ASIC2: variants seen among roughly 807,000 people sequenced by gnomAD.
ASIC2 encodes the protein acid-sensing ion channel 2.
In ASIC2, 25 loss-of-function variants were observed where a neutral mutation model predicts 57.3. The ratio of observed to expected loss-of-function variants is 0.44; its 90% CI spans 0.32 to 0.61. The LOEUF (loss-of-function observed/expected upper bound fraction) is 0.61, where lower values mean the gene tolerates loss of function less well. Among genes scored for constraint, ASIC2 ranks in the 20% least tolerant of loss-of-function variants. The pLI, the probability that ASIC2 is intolerant of heterozygous loss-of-function variation, is 0.06. For missense variants in ASIC2, 641 were observed against 738.1 expected (o/e 0.87, Z 1.52); for synonymous variants, 319 against 307.5 (o/e 1.04, Z -0.39).
At chr17:33,698,763 G>C (rs1908606695) in intron 1 of ASIC2, among the ~76,000 whole-genome samples, 1 of 152,106 alleles carries the variant, frequency 6.6e-6, no homozygotes, top group South Asian at 2.1e-4. Flanking sequence ...AGGGCACGAG[G>C]CTGCGGTATG....
intron 3 of ASIC2, among the ~76,000 whole-genome samples, chr17:33,082,873 C>T (rs1230199577): frequency 6.6e-6 from 1 of 152,102 alleles, no homozygotes; most frequent in African/African-American, 2.4e-5. Context: ...TTTAATTTTC[C>T]CCGAATTCCA....
chr17:33,610,285 G>A (rs1905360766), intron 1 of ASIC2, among the ~76,000 whole-genome samples: 1 of 152,082 alleles, frequency 6.6e-6, no homozygotes, highest in African/African-American at 2.4e-5. Context: ...AGCCTCCCAA[G>A]TAGCTGGGAT....
chr17:33,784,589 A>G (rs1911550160), intron 1 of ASIC2, among the ~76,000 whole-genome samples: 1 of 152,254 alleles, frequency 6.6e-6, no homozygotes, highest in Non-Finnish European at 1.5e-5. Context: ...ATTTAATTTA[A>G]TGCAATACAT....
intron 1 of ASIC2, among the ~76,000 whole-genome samples, chr17:33,873,552 G>C (rs1914476455): frequency 6.6e-6 from 1 of 152,160 alleles, no homozygotes; most frequent in Non-Finnish European, 1.5e-5. Flanking sequence ...GTGTGACCTT[G>C]TATAGGTTTC....
intron 1 of ASIC2, among the ~76,000 whole-genome samples, chr17:34,145,203 A>G (rs1310730584): frequency 6.6e-6 from 1 of 151,828 alleles, no homozygotes; most frequent in Non-Finnish European, 1.5e-5. Flanking sequence ...TGAAATATCC[A>G]CTCTTTTGTG....
intron 1 of ASIC2, chr17:33,794,491 A>T (rs1262464685): frequency 6.6e-6 from 1 of 152,270 alleles, no homozygotes; most frequent in African/African-American, 2.4e-5. Context: ...ATTGTGGGTC[A>T]GGGGTGATGC....
intron 1 of ASIC2, among the ~76,000 whole-genome samples, chr17:33,514,040 T>C (rs1914499017): frequency 1.3e-5 from 2 of 152,222 alleles, no homozygotes; most frequent in Admixed American, 6.5e-5. Flanking sequence ...TGGAACCTCG[T>C]GTACCTCGTG....
At chr17:33,780,354 C>T (rs948481626) in intron 1 of ASIC2, among the ~76,000 whole-genome samples, 23 of 152,294 alleles carry the variant, frequency 1.5e-4, no homozygotes, top group African/African-American at 5.3e-4. Context: ...ATACTCCATA[C>T]TTCTGAACAT....
chr17:33,791,258 G>A (rs962636850), intron 1 of ASIC2, among the ~76,000 whole-genome samples: 4 of 152,170 alleles, frequency 2.6e-5, no homozygotes, highest in African/African-American at 9.7e-5. Flanking sequence ...ACAGAACAGA[G>A]AACATAGCAT....
chr17:33,860,602 TAAA>T (rs1332091813), intron 1 of ASIC2, among the ~76,000 whole-genome samples: 1 of 152,196 alleles, frequency 6.6e-6, no homozygotes, highest in African/African-American at 2.4e-5. Context: ...ATTCCTCAAG[TAAA>T]AAAGATTGGC....
chr17:33,578,217 T>G (rs951922934), intron 1 of ASIC2, among the ~76,000 whole-genome samples: 1 of 152,226 alleles, frequency 6.6e-6, no homozygotes. Flanking sequence ...TTAGGAATGA[T>G]GAGACGTTCT....
intron 1 of ASIC2, among the ~76,000 whole-genome samples, chr17:33,461,638 A>T (rs1445309056): frequency 6.6e-6 from 1 of 152,138 alleles, no homozygotes; most frequent in Non-Finnish European, 1.5e-5. Context: ...GTCCTGACTG[A>T]TACCTAAGCT....
chr17:33,600,195 C>G (rs751635610), intron 1 of ASIC2, among the ~76,000 whole-genome samples: 1 of 152,158 alleles, frequency 6.6e-6, no homozygotes, highest in African/African-American at 2.4e-5. Flanking sequence ...GAATGTGTCC[C>G]CCAAAGTTGA....
At chr17:33,229,015 A>G (rs898894090) in intron 1 of ASIC2, among the ~76,000 whole-genome samples, 6 of 152,230 alleles carry the variant, frequency 3.9e-5, no homozygotes, top group African/African-American at 1.4e-4. Flanking sequence ...GCAGAGACTG[A>G]GAAGTTTCAT....
intron 1 of ASIC2, among the ~76,000 whole-genome samples, chr17:33,778,333 C>T (rs887948098): frequency 1.3e-5 from 2 of 152,134 alleles, no homozygotes; most frequent in African/African-American, 4.8e-5. Flanking sequence ...TTGTCAAAGT[C>T]GTGCCTGTAC....
intron 1 of ASIC2, among the ~76,000 whole-genome samples, chr17:33,289,335 C>A (rs1055956807): frequency 3.9e-5 from 6 of 152,208 alleles, no homozygotes; most frequent in African/African-American, 1.4e-4. Flanking sequence ...CCACACAACT[C>A]ATGGCCATGC....
At chr17:33,482,915 A>C (rs1913453747) in intron 1 of ASIC2, among the ~76,000 whole-genome samples, 1 of 152,204 alleles carries the variant, frequency 6.6e-6, no homozygotes, top group Non-Finnish European at 1.5e-5. Context: ...CTTAAAATGA[A>C]GTGTTTTCTT....
chr17:33,161,436 T>C (rs1400018336), intron 1 of ASIC2, among the ~76,000 whole-genome samples: 1 of 152,238 alleles, frequency 6.6e-6, no homozygotes, highest in African/African-American at 2.4e-5. Flanking sequence ...GCTCAAAGTT[T>C]GTCTTCTCTG....
At chr17:33,439,960 C>T (rs573529018) in intron 1 of ASIC2, among the ~76,000 whole-genome samples, 6 of 152,104 alleles carry the variant, frequency 3.9e-5, no homozygotes, top group Admixed American at 6.5e-5. Flanking sequence ...TAGAGCAGGA[C>T]GACTGTATTC....
Sources: gnomAD v4.1 joint callset for allele counts (sites outside exome capture counted in the v4.1 genomes callset) on GRCh38, gnomAD v4.1.1 for gene constraint, MANE v1.5 for transcripts, NCBI Gene and HGNC (gene_info 2026-07-23, HGNC 2026-07-21) for gene names.